Variants in ARHGAP26 observed in about 807,000 individuals in gnomAD.
ARHGAP26 encodes Rho GTPase activating protein 26, also known as rho GTPase-activating protein 26.
A neutral mutation model predicts 104.8 loss-of-function variants in ARHGAP26; 38 were observed. That is an observed-to-expected ratio of 0.36 (90% confidence interval 0.28 to 0.48). The LOEUF (loss-of-function observed/expected upper bound fraction) is 0.48. Ranked by LOEUF, ARHGAP26 falls within the 20% of genes least tolerant of loss-of-function variation. The pLI is 0.99. For synonymous variants in ARHGAP26, 341 were observed against 340.0 expected, an observed-to-expected ratio of 1.00 and a Z score of -0.03; for missense variants, 704 against 947.9, an observed-to-expected ratio of 0.74 and a Z score of 3.38.
At chr5:143,065,269 G>A (rs934948408) in intron 17 of ARHGAP26, among the ~76,000 whole-genome samples, 12 of 152,078 alleles carry the variant, frequency 7.9e-5, no homozygotes, top group East Asian at 5.8e-4. Context: ...TGGCTGAGTG[G>A]TGGTGGATAA....
chr5:143,027,543 C>A (rs1200664177), intron 12 of ARHGAP26, among the ~76,000 whole-genome samples: 1 of 147,572 alleles, frequency 6.8e-6, no homozygotes, highest in African/African-American at 2.4e-5. Context: ...GGTTTTAAAC[C>A]AATTCATCCA....
intron 17 of ARHGAP26, among the ~76,000 whole-genome samples, chr5:143,064,733 C>A (rs1562357622): frequency 6.6e-6 from 1 of 152,198 alleles, no homozygotes; most frequent in Non-Finnish European, 1.5e-5. Flanking sequence ...TGCTTACTTT[C>A]AACCCAAGAA....
rs1026991936 is a variant in ARHGAP26 at position 142,893,873 on chromosome 5, T to C, written c.487-365T>C. On this transcript the variant is annotated intron_variant, in intron 5 of 22. Coordinates refer to ENST00000645722, the MANE Select transcript of ARHGAP26 (RefSeq NM_001135608.3). ...GTTTTTTAATATACCCTTTGGCTATTTGTGTGTCTTCTTTTGAGAAATGTC... is the reference window on the plus strand; with the variant it reads ...GTTTTTTAATATACCCTTTGGCTATCTGTGTGTCTTCTTTTGAGAAATGTC... Among the ~76,000 whole-genome samples, 7 of 152,194 alleles carry C rather than the reference T, an allele frequency of 4.6e-5. No homozygotes were observed. The South Asian group carries it at 1.4e-3, about 32-fold the overall frequency.
intron 1 of ARHGAP26, among the ~76,000 whole-genome samples, chr5:142,830,619 T>C (rs906980443): frequency 1.3e-5 from 2 of 152,188 alleles, no homozygotes; most frequent in African/African-American, 4.8e-5. Context: ...CTTCAAAAAA[T>C]GTTACCGATA....
chr5:142,779,611 C>T (rs1413895800), intron 1 of ARHGAP26, among the ~76,000 whole-genome samples: 2 of 152,160 alleles, frequency 1.3e-5, no homozygotes, highest in African/African-American at 4.8e-5. Flanking sequence ...GAAAAGATAC[C>T]GCTGGTAAGT....
At chr5:142,827,038 A>G (rs1767422797) in intron 1 of ARHGAP26, among the ~76,000 whole-genome samples, 1 of 151,174 alleles carries the variant, frequency 6.6e-6, no homozygotes, top group Admixed American at 6.6e-5. Context: ...ATTGTCACTA[A>G]GTGCCTCTCA....
At chr5:143,149,910 A>G (rs3756371) in intron 20 of ARHGAP26, among the ~76,000 whole-genome samples, 4,745 of 152,278 alleles carry the variant, frequency 0.031, 214 homozygotes, top group African/African-American at 0.092. Flanking sequence ...CTGGGATATC[A>G]TTATGACCAG....
intron 1 of ARHGAP26, among the ~76,000 whole-genome samples, chr5:142,834,101 T>C (rs1769070297): frequency 6.6e-6 from 1 of 152,246 alleles, no homozygotes; most frequent in African/African-American, 2.4e-5. Flanking sequence ...TTTATTTCCT[T>C]AGCCACATAC....
Position 142,917,103 on chromosome 5 carries a change from G to A in ARHGAP26, c.1028+3810G>A, listed in dbSNP as rs549017006. Among the ~76,000 whole-genome samples, 4 of 149,994 alleles carry A rather than the reference G, an allele frequency of 2.7e-5. No individual in the cohort carries two copies. The East Asian group carries it at 7.9e-4, about 30-fold the overall frequency. On this transcript the variant is annotated intron_variant, in intron 10 of 22. Coordinates refer to ENST00000645722, the MANE Select transcript of ARHGAP26 (RefSeq NM_001135608.3). ...TGCCCAGGCCGGAGTGCAGTGGCAC[G>A]ATCTCAGCTCACTGCAGCCTCTGCC...
intron 21 of ARHGAP26, among the ~76,000 whole-genome samples, chr5:143,210,912 G>A (rs538753878): frequency 5.8e-4 from 88 of 152,306 alleles, no homozygotes; most frequent in Non-Finnish European, 8.7e-4. Context: ...AGGAGCAGCC[G>A]AAAACTACCC....
intron 1 of ARHGAP26, among the ~76,000 whole-genome samples, chr5:142,836,791 C>G (rs1415937019): frequency 6.6e-6 from 1 of 152,196 alleles, no homozygotes; most frequent in Non-Finnish European, 1.5e-5. Context: ...CCATACTAGG[C>G]ATTTTACAGG....
Position 143,047,501 on chromosome 5 carries a change from G to A in ARHGAP26, c.1285+5611G>A, listed in dbSNP as rs184298167. ...ATTTCCTCAGGACTTATTTTAAGAT[G>A]TTGAATTGCTGGGTCAAGGTATGTA... On this transcript the variant is annotated intron_variant, in intron 14 of 22. Coordinates refer to ENST00000645722, the MANE Select transcript of ARHGAP26 (RefSeq NM_001135608.3). Among the ~76,000 whole-genome samples, 174 of 152,276 alleles carry A rather than the reference G, an allele frequency of 1.1e-3. 2 individuals carry two copies. Among genetic ancestry groups the A allele is most frequent in the Non-Finnish European group, 1.9e-4 (13 of 68,010 alleles).
chr5:143,207,387 C>G, intron 21 of ARHGAP26, 79 bp downstream of exon 21: 1 of 1,614,148 alleles, frequency 6.2e-7, no homozygotes, highest in Non-Finnish European at 8.5e-7. Flanking sequence ...ATGCAGTGTT[C>G]AGCCTCCTCG....
intron 19 of ARHGAP26, among the ~76,000 whole-genome samples, chr5:143,134,773 C>G (rs1422243323): frequency 6.6e-6 from 1 of 152,196 alleles, no homozygotes. Flanking sequence ...AGCCTTTGCT[C>G]TAAGAGAGCC....
At chr5:142,922,698 A>G (rs1763362466) in intron 10 of ARHGAP26, among the ~76,000 whole-genome samples, 1 of 152,180 alleles carries the variant, frequency 6.6e-6, no homozygotes, top group South Asian at 2.1e-4. Context: ...TGCAGAAAAG[A>G]TGAGTGATTT....
intron 12 of ARHGAP26, among the ~76,000 whole-genome samples, chr5:143,031,050 AGGGTAAT>A (rs1781766203): frequency 2.0e-5 from 3 of 152,220 alleles, no homozygotes; most frequent in Non-Finnish European, 2.9e-5. Flanking sequence ...AGGACACTTG[AGGGTAAT>A]GTGAGTTGGG....
intron 21 of ARHGAP26, among the ~76,000 whole-genome samples, chr5:143,212,883 C>T (rs1235927490): frequency 2.0e-5 from 3 of 152,170 alleles, no homozygotes; most frequent in Non-Finnish European, 4.4e-5. Context: ...CGGTGGCTCA[C>T]GCCTGTAATC....
intron 1 of ARHGAP26, among the ~76,000 whole-genome samples, chr5:142,861,718 TG>T (rs1333687649): frequency 6.6e-6 from 1 of 152,218 alleles, no homozygotes; most frequent in Non-Finnish European, 1.5e-5. Flanking sequence ...CCAGGCCCTG[TG>T]CTAAGCACTT....
chr5:143,222,589 A>G lies in ARHGAP26; in HGVS notation c.*143A>G. 1 of 556,650 alleles carries G rather than the reference A, an allele frequency of 1.8e-6. No individual in the cohort carries two copies. The allele number at this position is 556,650 out of a possible 1,614,324, so 34.5% of individuals were successfully genotyped here. On this transcript the variant is annotated 3_prime_UTR_variant, in exon 23 of 23. Transcript: ENST00000645722. ...ACCTGTCAACATGAATGTTTCTGTGAGCTCTGGTGTCACTCATCTCCATGA... is the reference window on the plus strand; with the variant it reads ...ACCTGTCAACATGAATGTTTCTGTGGGCTCTGGTGTCACTCATCTCCATGA...
Sources: gnomAD v4.1 joint callset for allele counts (sites outside exome capture counted in the v4.1 genomes callset) on GRCh38, gnomAD v4.1.1 for gene constraint, MANE v1.5 for transcripts, NCBI Gene and HGNC (gene_info 2026-07-23, HGNC 2026-07-21) for gene names.